DNAAF4: variants seen among roughly 807,000 people sequenced by gnomAD.
The protein encoded by DNAAF4 is dynein assembly factor 4, axonemal.
In DNAAF4, 43 loss-of-function variants were observed where a neutral mutation model predicts 51.8. That is an observed-to-expected ratio of 0.83 (90% CI 0.65 to 1.07). The LOEUF (loss-of-function observed/expected upper bound fraction) is 1.07. DNAAF4 is among the 50% of genes least tolerant of loss of function. The pLI is 0.00. For synonymous variants in DNAAF4, 194 were observed against 165.6 expected (o/e 1.17, Z -1.32); for missense variants, 581 against 493.0 (o/e 1.18, Z -1.69).
At chr15:55,428,641 C>A (rs1411397207), downstream of DNAAF4, among the ~76,000 whole-genome samples, 2 of 150,776 alleles carry the variant, frequency 1.3e-5, no homozygotes, top group Non-Finnish European at 3.0e-5. Context: ...ACTACAGGCG[C>A]CTGCCACCAC....
At chr15:55,466,037 C>T (rs1222249233) in intron 5 of DNAAF4, among the ~76,000 whole-genome samples, 1 of 152,150 alleles carries the variant, frequency 6.6e-6, no homozygotes, top group Non-Finnish European at 1.5e-5. Context: ...GAAATCACCA[C>T]TAAAGAACTT....
chr15:55,429,302 C>A (rs1438108936), downstream of DNAAF4, among the ~76,000 whole-genome samples: 3 of 146,884 alleles, frequency 2.0e-5, no homozygotes, highest in Non-Finnish European at 4.5e-5. Context: ...GGTGGATCAC[C>A]TGAGGTCAGC....
At chr15:55,474,862 C>G (rs2058314822) in intron 4 of DNAAF4, among the ~76,000 whole-genome samples, 1 of 151,980 alleles carries the variant, frequency 6.6e-6, no homozygotes, top group African/African-American at 2.4e-5. Context: ...CGCCGTAATC[C>G]CAGCTACTCT....
chr15:55,443,032 G>A lies in DNAAF4; in HGVS notation c.784-3451C>T, dbSNP rs1717564687. 3 of 1,611,042 alleles carry A rather than the reference G, an allele frequency of 1.9e-6. No individual in the cohort carries two copies. In the African/African-American group the frequency reaches 4.0e-5, roughly 22 times the overall value. On this transcript the variant is annotated intron_variant, in intron 6 of 9. Coordinates refer to ENST00000321149, the MANE Select transcript of DNAAF4 (RefSeq NM_130810.4). ...ATCAAAGCTTCTGGTGAAGAGCTGG[G>A]CCTGTGACACTTGTTCTTCTTTCAT...
intron 3 of DNAAF4, among the ~76,000 whole-genome samples, chr15:55,492,349 G>C (rs2141590113): frequency 6.6e-6 from 1 of 151,918 alleles, no homozygotes; most frequent in East Asian, 1.9e-4. Context: ...GTAGATAAGG[G>C]GTGGGTAGAG....
chr15:55,485,182 C>A (rs192097537), intron 4 of DNAAF4, among the ~76,000 whole-genome samples: 14 of 152,128 alleles, frequency 9.2e-5, no homozygotes, highest in African/African-American at 3.4e-4. Context: ...GCTCTAAGAA[C>A]GGGTTTATGG....
In DNAAF4 at chr15:55,492,797, G is replaced by A. The variant is rs573781577; in HGVS notation, c.272-1541C>T. ...TTGTGATCCGCCTGCCTTGGCCTCCGAAAGTGCTGGGATTACAGGCGTGAG... is the reference window on the plus strand; with the variant it reads ...TTGTGATCCGCCTGCCTTGGCCTCCAAAAGTGCTGGGATTACAGGCGTGAG... On this transcript the variant is annotated intron_variant, in intron 3 of 9. Coordinates refer to ENST00000321149, the MANE Select transcript of DNAAF4 (RefSeq NM_130810.4). Among the ~76,000 whole-genome samples, 9 of 152,094 alleles carry A rather than the reference G, an allele frequency of 5.9e-5. No homozygotes were observed. In the South Asian group the frequency reaches 8.3e-4, roughly 14 times the overall value.
intron 6 of DNAAF4, among the ~76,000 whole-genome samples, chr15:55,441,451 A>C (rs1219540690): frequency 6.6e-6 from 1 of 152,040 alleles, no homozygotes; most frequent in African/African-American, 2.4e-5. Flanking sequence ...TCTAGGGTAC[A>C]TGTGCAAAAC....
At chr15:55,420,141 G>A (rs189468077) in intron 7 of DNAAF4, among the ~76,000 whole-genome samples, 62 of 152,324 alleles carry the variant, frequency 4.1e-4, no homozygotes, top group Admixed American at 3.5e-3. Context: ...AGACCAGAGA[G>A]ATCAGGAGAA....
intron 4 of DNAAF4, among the ~76,000 whole-genome samples, chr15:55,468,183 A>G (rs137987516): frequency 6.6e-6 from 1 of 152,296 alleles, no homozygotes; most frequent in African/African-American, 2.4e-5. Context: ...GTTCTAGACT[A>G]TGGATATGCT....
intron 7 of DNAAF4, among the ~76,000 whole-genome samples, chr15:55,437,983 GA>G (rs1401072754): frequency 1.3e-5 from 2 of 152,146 alleles, no homozygotes; most frequent in Non-Finnish European, 2.9e-5. Flanking sequence ...TGTATATGAT[GA>G]AATACAATAA....
chr15:55,423,681 G>T (rs1165339065), intron 7 of DNAAF4, among the ~76,000 whole-genome samples: 2 of 152,168 alleles, frequency 1.3e-5, no homozygotes, highest in Non-Finnish European at 2.9e-5. Context: ...AAGCCAGCGC[G>T]GTGGCTCACA....
At chr15:55,482,743 G>GTAGTA (rs1377351283) in intron 4 of DNAAF4, among the ~76,000 whole-genome samples, 2 of 152,134 alleles carry the variant, frequency 1.3e-5, no homozygotes, top group Non-Finnish European at 2.9e-5. Flanking sequence ...AATGGTCATA[G>GTAGTA]TAGTACTATT....
At chr15:55,505,201 AT>A (rs969505444) in intron 1 of DNAAF4, among the ~76,000 whole-genome samples, 2 of 152,232 alleles carry the variant, frequency 1.3e-5, no homozygotes, top group African/African-American at 4.8e-5. Flanking sequence ...AGAAATGCAA[AT>A]CAAAACCACA....
At chr15:55,458,128 G>C (rs113982688) in intron 5 of DNAAF4, among the ~76,000 whole-genome samples, 2 of 152,178 alleles carry the variant, frequency 1.3e-5, no homozygotes, top group African/African-American at 4.8e-5. Context: ...ACAATACAAG[G>C]TTCTGTAACA....
intron 7 of DNAAF4, among the ~76,000 whole-genome samples, chr15:55,424,026 G>A (rs1181607875): frequency 6.6e-6 from 1 of 152,146 alleles, no homozygotes; most frequent in Non-Finnish European, 1.5e-5. Flanking sequence ...GGAGGTGGAG[G>A]TTGCAGTAAG....
chr15:55,475,578 C>T (rs567048457), intron 4 of DNAAF4, among the ~76,000 whole-genome samples: 10 of 152,304 alleles, frequency 6.6e-5, no homozygotes, highest in African/African-American at 2.4e-4. Context: ...TACACACTGG[C>T]TGAGCATCCT....
Position 55,498,153 on chromosome 15 carries a change from C to A in DNAAF4, c.123+54G>T. The A allele has an allele frequency of 6.2e-6, 10 of 1,611,764 alleles. No homozygotes were observed. The South Asian group carries it at 9.9e-5, about 16-fold the overall frequency. Reference sequence around the variant, plus strand: ...TTGCTCGTGCCCAGCTGCGCTCTTGCAGAAGCTTCGGACCACACCCCCGGA... The same window carrying A: ...TTGCTCGTGCCCAGCTGCGCTCTTGAAGAAGCTTCGGACCACACCCCCGGA... On this transcript the variant is annotated intron_variant, in intron 2 of 9. Coordinates refer to ENST00000321149, the MANE Select transcript of DNAAF4 (RefSeq NM_130810.4).
chr15:55,435,035 T>C lies in DNAAF4; in HGVS notation c.917A>G (p.Tyr306Cys), dbSNP rs114329118. 24 of 1,597,282 alleles carry C rather than the reference T, an allele frequency of 1.5e-5. No individual in the cohort carries two copies. In the East Asian group the frequency reaches 4.9e-4, roughly 33 times the overall value. Residue 306 changes from tyrosine to cysteine, a missense_variant, in exon 8 of 10, where the codon TAT (tyrosine) becomes TGT (cysteine). Coordinates refer to ENST00000321149, the MANE Select transcript of DNAAF4 (RefSeq NM_130810.4). ...KGNKLFATEN[Y>C]LAAINAYNLA... ...ATTATATGCATTGATAGCTGCCAAA[T>C]AGTTTTCCGTTGCAAACAATTTGCT...
Sources: allele counts gnomAD v4.1 joint callset (sites outside exome capture counted in the v4.1 genomes callset), GRCh38; gene constraint gnomAD v4.1.1; transcripts MANE v1.5; gene names NCBI Gene and HGNC (gene_info 2026-07-23, HGNC 2026-07-21).